The following UNC13C variants were observed in gnomAD, a reference collection of about 807,000 sequenced individuals.
UNC13C encodes the protein protein unc-13 homolog C.
UNC13C carries 174 observed loss-of-function variants against 245.4 expected under a neutral mutation model. That is an observed-to-expected ratio of 0.71 (90% confidence interval 0.63 to 0.80). The LOEUF (loss-of-function observed/expected upper bound fraction) is 0.80, where lower values mean the gene tolerates loss of function less well. Ranked by LOEUF, UNC13C falls within the 30% of genes least tolerant of loss-of-function variation. The probability of loss-of-function intolerance (pLI) is 0.00; values close to 1 mark genes in which losing one functional copy is unlikely to be tolerated. For missense variants in UNC13C, 2,829 were observed against 2,602.9 expected, an observed-to-expected ratio of 1.09 and a Z score of -1.89; for synonymous variants, 992 against 895.1, an observed-to-expected ratio of 1.11 and a Z score of -1.93.
chr15:54,192,414 A>G (rs181669224), intron 4 of UNC13C, among the ~76,000 whole-genome samples: 82 of 152,198 alleles, frequency 5.4e-4, no homozygotes, highest in Middle Eastern at 3.4e-3. Flanking sequence ...TCCATGCTTC[A>G]AAGTAGTGCA....
At chr15:54,242,971 C>CT (rs1567129134) in intron 7 of UNC13C, among the ~76,000 whole-genome samples, 1 of 151,956 alleles carries the variant, frequency 6.6e-6, no homozygotes, top group African/African-American at 2.4e-5. Flanking sequence ...ACATTCTTCT[C>CT]TTTTTTTTCC....
chr15:54,299,328 G>A (rs1004606509), intron 12 of UNC13C, among the ~76,000 whole-genome samples: 4 of 152,040 alleles, frequency 2.6e-5, no homozygotes, highest in Admixed American at 2.6e-4. Flanking sequence ...ATTTTATTTC[G>A]TTACAAAATT....
intron 17 of UNC13C, among the ~76,000 whole-genome samples, chr15:54,355,059 A>G (rs1275135491): frequency 6.6e-6 from 1 of 152,056 alleles, no homozygotes; most frequent in East Asian, 1.9e-4. Flanking sequence ...TTGCCACGTG[A>G]TGCCCTGTGC....
chr15:54,140,249 C>T (rs918088072), intron 2 of UNC13C, among the ~76,000 whole-genome samples: 1 of 152,208 alleles, frequency 6.6e-6, no homozygotes, highest in Admixed American at 6.5e-5. Context: ...TATAATTCAT[C>T]TTCACTATAT....
At chr15:54,090,799 C>G (rs548419533) in intron 2 of UNC13C, among the ~76,000 whole-genome samples, 10 of 152,238 alleles carry the variant, frequency 6.6e-5, no homozygotes, top group Non-Finnish European at 1.3e-4. Context: ...CATTGATGGG[C>G]TAAGTTGCCT....
At chr15:54,556,802 G>T (rs1191414422) in intron 29 of UNC13C, among the ~76,000 whole-genome samples, 4 of 151,900 alleles carry the variant, frequency 2.6e-5, no homozygotes, top group Non-Finnish European at 5.9e-5. Context: ...AAAAAAATTT[G>T]GCATCTGAAT....
intron 19 of UNC13C, among the ~76,000 whole-genome samples, chr15:54,480,321 T>C (rs1893033184): frequency 2.0e-5 from 3 of 151,502 alleles, no homozygotes. Flanking sequence ...TTCCATTGGC[T>C]TTCTTCTCAC....
chr15:54,178,661 GC>G (rs1481076361), intron 4 of UNC13C, among the ~76,000 whole-genome samples: 1 of 152,114 alleles, frequency 6.6e-6, no homozygotes, highest in Admixed American at 6.5e-5. Context: ...TAAGGGTCAG[GC>G]TTTGCTCACA....
chr15:54,585,851 C>T (rs933836077), intron 30 of UNC13C, among the ~76,000 whole-genome samples: 6 of 151,798 alleles, frequency 4.0e-5, no homozygotes, highest in African/African-American at 1.5e-4. Flanking sequence ...CTCAAGGGGA[C>T]TTTACAGCAC....
chr15:54,378,785 A>G (rs1230292690), intron 17 of UNC13C, among the ~76,000 whole-genome samples: 2 of 151,976 alleles, frequency 1.3e-5, no homozygotes, highest in African/African-American at 2.4e-5. Flanking sequence ...TAAATAATTT[A>G]TATATTTAAA....
At chr15:54,628,649 A>G (rs751271003), downstream of UNC13C, 1 of 152,582 alleles carries the variant, frequency 6.6e-6, no homozygotes, top group Non-Finnish European at 1.5e-5. Context: ...TTTATGCAAT[A>G]TCATCTCATT....
intron 2 of UNC13C, among the ~76,000 whole-genome samples, chr15:54,072,703 A>G (rs1898387476): frequency 6.6e-6 from 1 of 152,164 alleles, no homozygotes; most frequent in South Asian, 2.1e-4. Flanking sequence ...CTCTTAGGAG[A>G]ATTTTGTCCT....
downstream of UNC13C, chr15:54,629,525 AAGG>A (rs1901399961): frequency 1.3e-5 from 2 of 152,230 alleles, no homozygotes; most frequent in Non-Finnish European, 2.9e-5. Context: ...CGAGGAAAAT[AAGG>A]ATGAACTAAT....
At chr15:54,446,801 GC>G (rs1333350850) in intron 19 of UNC13C, among the ~76,000 whole-genome samples, 1 of 152,060 alleles carries the variant, frequency 6.6e-6, no homozygotes, top group Non-Finnish European at 1.5e-5. Context: ...CTGCCTGATT[GC>G]CCTGGCCAGA....
At chr15:54,241,702 C>T (rs1451178344) in intron 7 of UNC13C, among the ~76,000 whole-genome samples, 1 of 152,160 alleles carries the variant, frequency 6.6e-6, no homozygotes, top group African/African-American at 2.4e-5. Context: ...TAGTCAAACC[C>T]TTCCCATTCC....
intron 2 of UNC13C, among the ~76,000 whole-genome samples, chr15:54,057,857 G>A (rs976119701): frequency 1.3e-5 from 2 of 152,166 alleles, no homozygotes; most frequent in African/African-American, 4.8e-5. Flanking sequence ...GCTCCTGAAT[G>A]ACTACTGGGT....
chr15:54,054,416 G>A (rs1897408680), intron 2 of UNC13C, among the ~76,000 whole-genome samples: 2 of 152,120 alleles, frequency 1.3e-5, no homozygotes, highest in Admixed American at 6.6e-5. Context: ...TCTTAAGGCT[G>A]CCCTCGTTAA....
At chr15:54,591,079 T>C (rs1342032108) in intron 30 of UNC13C, among the ~76,000 whole-genome samples, 2 of 152,244 alleles carry the variant, frequency 1.3e-5, no homozygotes, top group East Asian at 3.8e-4. Flanking sequence ...ATTCTGTTTA[T>C]GTCATGTATC....
intron 30 of UNC13C, among the ~76,000 whole-genome samples, chr15:54,595,213 T>C (rs879532662): frequency 3.3e-5 from 5 of 152,042 alleles, no homozygotes; most frequent in African/African-American, 4.8e-5. Flanking sequence ...GGGAGTGTTA[T>C]CTCCCTGAGC....
Sources: allele counts gnomAD v4.1 joint callset (sites outside exome capture counted in the v4.1 genomes callset), GRCh38; gene constraint gnomAD v4.1.1; transcripts MANE v1.5; gene names NCBI Gene and HGNC (gene_info 2026-07-23, HGNC 2026-07-21).